Variants in GGT7 observed in about 807,000 individuals in gnomAD.
GGT7 encodes gamma-glutamyltransferase 7, also known as glutathione hydrolase 7.
Under a neutral mutation model 69.2 loss-of-function variants are expected in GGT7, and 30 were observed. The ratio of observed to expected loss-of-function variants is 0.43; its 90% CI spans 0.32 to 0.59. The LOEUF (loss-of-function observed/expected upper bound fraction) is 0.59, where lower values mean the gene tolerates loss of function less well. Ranked by LOEUF, GGT7 falls within the 20% of genes least tolerant of loss-of-function variation. The pLI is 0.05. For synonymous variants in GGT7, 388 were observed against 391.8 expected (o/e 0.99, Z 0.12); for missense variants, 733 against 901.1 (o/e 0.81, Z 2.39).
chr20:34,852,949 T>G (rs1379262777), intron 10 of GGT7, among the ~76,000 whole-genome samples: 2 of 83,948 alleles, frequency 2.4e-5, no homozygotes, highest in African/African-American at 5.6e-5. Flanking sequence ...TATATGAGGA[T>G]TTTTTTTTTC....
At chr20:34,870,740 G>A (rs2079764733) in intron 1 of GGT7, among the ~76,000 whole-genome samples, 1 of 151,236 alleles carries the variant, frequency 6.6e-6, no homozygotes, top group Non-Finnish European at 1.5e-5. Flanking sequence ...CCAAAGTGCT[G>A]GGATTACAGG....
chr20:34,847,973 T>G (rs1414037309), intron 14 of GGT7, among the ~76,000 whole-genome samples: 2 of 152,076 alleles, frequency 1.3e-5, no homozygotes, highest in Non-Finnish European at 2.9e-5. Flanking sequence ...TGCACCTGTA[T>G]TCTCAGCTAC....
chr20:34,866,607 T>A (rs974382400), intron 1 of GGT7, among the ~76,000 whole-genome samples: 1 of 151,774 alleles, frequency 6.6e-6, no homozygotes, highest in Non-Finnish European at 1.5e-5. Flanking sequence ...TGAGACAGAG[T>A]CTCACTCTGT....
chr20:34,862,558 T>C (rs1216772382), intron 3 of GGT7, among the ~76,000 whole-genome samples: 1 of 150,630 alleles, frequency 6.6e-6, no homozygotes, highest in African/African-American at 2.5e-5. Context: ...TCTTAATTTA[T>C]GGTTTACAAA....
At chr20:34,849,877 G>C (rs949225361) in intron 14 of GGT7, 84 bp downstream of exon 14, 1 of 739,288 alleles carries the variant, frequency 1.4e-6, no homozygotes, top group East Asian at 2.7e-5. Context: ...AGTTGGTGCT[G>C]GTTGAGGCAT....
At chr20:34,868,647 A>C (rs2079731901) in intron 1 of GGT7, among the ~76,000 whole-genome samples, 1 of 152,196 alleles carries the variant, frequency 6.6e-6, no homozygotes, top group Non-Finnish European at 1.5e-5. Flanking sequence ...CAAAGTATAT[A>C]ACTCAGACTT....
rs2079623694 is a variant in GGT7 at position 34,862,971 on chromosome 20, A to G, written c.406-6T>C. On this transcript the variant is annotated splice_region_variant and splice_polypyrimidine_tract_variant and intron_variant, in intron 2 of 14. Coordinates refer to ENST00000336431, the MANE Select transcript of GGT7 (RefSeq NM_178026.3). Reference sequence around the variant, plus strand: ...ACGGCACCCTGCTGGAAGATCTGGGAGGGGAAAGAGGACTTGGTGGGGGCA... The same window carrying G: ...ACGGCACCCTGCTGGAAGATCTGGGGGGGGAAAGAGGACTTGGTGGGGGCA... 3 of 1,610,164 alleles carry G rather than the reference A, an allele frequency of 1.9e-6. No homozygotes were observed. The East Asian group carries it at 6.7e-5, about 36-fold the overall frequency.
intron 3 of GGT7, 108 bp downstream of exon 3, chr20:34,862,706 T>C (rs1044742820): frequency 1.9e-6 from 2 of 1,079,654 alleles, no homozygotes; most frequent in Non-Finnish European, 2.8e-6. Flanking sequence ...ATGCAAGGAG[T>C]TGGGGCCCAA....
chr20:34,861,470 G>A lies in GGT7; in HGVS notation c.650C>T (p.Thr217Ile). 5 of 1,560,674 alleles carry A rather than the reference G, an allele frequency of 3.2e-6. No individual in the cohort carries two copies. The highest frequency in any genetic ancestry group is 1.2e-5 in the South Asian group (1 of 85,228). ...ESAPGALREETLQRSWETKPG... is the reference protein window; with the variant it reads ...ESAPGALREEILQRSWETKPG... ...CTTGGTCTCCCAGGATCTTTGCAGG[G>A]TCTCTTCCCTGAGGGCCCCTGGTGC... is the stretch of plus-strand genomic sequence containing the variant. Residue 217 changes from threonine (T) to isoleucine (I), a missense_variant, in exon 4 of 15, where the codon ACC becomes ATC. By Grantham distance (89) the Thr-to-Ile change is moderately conservative. Transcript: ENST00000336431.
At chr20:34,846,415 T>C (rs894427045) in intron 14 of GGT7, among the ~76,000 whole-genome samples, 3 of 151,982 alleles carry the variant, frequency 2.0e-5, no homozygotes, top group African/African-American at 4.8e-5. Flanking sequence ...GCGATTCTCC[T>C]GCCTCAGCCT....
chr20:34,850,471 C>T (rs1399309964), intron 13 of GGT7, among the ~76,000 whole-genome samples: 2 of 152,176 alleles, frequency 1.3e-5, no homozygotes, highest in African/African-American at 4.8e-5. Flanking sequence ...CCTCCCTGCT[C>T]TTTCTAGCTG....
In GGT7 at chr20:34,872,841, A is replaced by G. The variant is rs527548661; in HGVS notation, c.-26T>C. On this transcript the variant is annotated 5_prime_UTR_variant, in exon 1 of 15. Coordinates refer to ENST00000336431, the MANE Select transcript of GGT7 (RefSeq NM_178026.3). ...CCTCGCCCGCGCCCCCCAGCAGCGC[A>G]GCGCCTGCCGGAAGTGGCTGCGGCG... 98 of 1,322,076 alleles carry G rather than the reference A, an allele frequency of 7.4e-5. No homozygotes were observed. In the South Asian group the frequency reaches 1.7e-3, roughly 23 times the overall value. 81.9% of individuals were successfully genotyped at this position (1,322,076 alleles called of 1,614,324 possible).
chr20:34,857,994 G>A (rs1345044569), intron 7 of GGT7, among the ~76,000 whole-genome samples: 2 of 152,134 alleles, frequency 1.3e-5, no homozygotes, highest in African/African-American at 4.8e-5. Context: ...AAGATCTGAT[G>A]GTCTTTGTTA....
chr20:34,870,821 TCA>T (rs1455993273), intron 1 of GGT7, among the ~76,000 whole-genome samples: 1 of 152,058 alleles, frequency 6.6e-6, no homozygotes, highest in Non-Finnish European at 1.5e-5. Context: ...AGACTGAGTC[TCA>T]CTCTGTCACC....
intron 1 of GGT7, among the ~76,000 whole-genome samples, chr20:34,864,646 A>C (rs1016123037): frequency 2.6e-5 from 4 of 151,294 alleles, no homozygotes; most frequent in East Asian, 4.0e-4. Flanking sequence ...ACTTGAACCC[A>C]CAAGGTGGAG....
intron 4 of GGT7, 141 bp downstream of exon 4, chr20:34,861,300 CCTGA>C: frequency 2.3e-6 from 1 of 442,000 alleles, no homozygotes. Context: ...TTGGGGGCTG[CCTGA>C]CTCTCTCATA....
intron 14 of GGT7, among the ~76,000 whole-genome samples, chr20:34,849,102 C>T (rs2079345581): frequency 6.6e-6 from 1 of 151,912 alleles, no homozygotes; most frequent in Admixed American, 6.6e-5. Context: ...GTTCTTTGTA[C>T]TTGCTCCCCT....
intron 7 of GGT7, among the ~76,000 whole-genome samples, chr20:34,858,925 C>T (rs577486511): frequency 2.0e-4 from 30 of 152,324 alleles, no homozygotes; most frequent in Non-Finnish European, 4.1e-4. Flanking sequence ...AATCCCAGCA[C>T]TTTGGGAGGC....
At chr20:34,846,278 C>CCCTA (rs2079304479) in intron 14 of GGT7, among the ~76,000 whole-genome samples, 1 of 110,470 alleles carries the variant, frequency 9.1e-6, no homozygotes, top group South Asian at 3.9e-4. Context: ...TTCCAGCCCT[C>CCCTA]CCTCCCTCCC....
Sources: gnomAD v4.1 joint callset for allele counts (sites outside exome capture counted in the v4.1 genomes callset) on GRCh38, gnomAD v4.1.1 for gene constraint, MANE v1.5 for transcripts, NCBI Gene and HGNC (gene_info 2026-07-23, HGNC 2026-07-21) for gene names.